The following MGAM variants were observed in gnomAD, a reference collection of about 807,000 sequenced individuals.
MGAM encodes the protein maltase-glucoamylase.
MGAM carries 253 observed loss-of-function variants against 358.8 expected under a neutral mutation model. The observed-to-expected ratio is 0.71, with a 90% CI of 0.64 to 0.78. MGAM has a LOEUF of 0.78. Among genes scored for constraint, MGAM ranks in the 30% least tolerant of loss-of-function variants. MGAM has a pLI of 0.00. For synonymous variants in MGAM, 1,105 were observed against 1,227.1 expected (o/e 0.90, Z 2.08); for missense variants, 3,080 against 3,432.6 (o/e 0.90, Z 2.57).
chr7:142,044,694 A>T (rs1213040820), intron 21 of MGAM, among the ~76,000 whole-genome samples: 22 of 86,698 alleles, frequency 2.5e-4, no homozygotes, highest in African/African-American at 5.2e-4. Context: ...ATGTATAATG[A>T]ATATTATATA....
chr7:142,026,994 A>G (rs782315143), intron 8 of MGAM, 121 bp from the exon 9 acceptor site: 12 of 684,360 alleles, frequency 1.8e-5, no homozygotes, highest in Non-Finnish European at 3.0e-5. Context: ...TCAAAATGTG[A>G]GGCACTAGGG....
chr7:142,036,588 C>T (rs1808015573), intron 17 of MGAM, among the ~76,000 whole-genome samples: 1 of 152,146 alleles, frequency 6.6e-6, no homozygotes, highest in Non-Finnish European at 1.5e-5. Flanking sequence ...GGAAATACTT[C>T]AAAATTATTT....
At chr7:142,050,348 C>T (rs1240850813) in intron 23 of MGAM, 64 bp downstream of exon 23, 4 of 1,522,934 alleles carry the variant, frequency 2.6e-6, no homozygotes, top group Admixed American at 3.3e-5. Context: ...CACATCTGTG[C>T]TTGTGTATAT....
In MGAM at chr7:142,062,708, T is replaced by C; in HGVS notation, c.4257+6T>C. On this transcript the variant is annotated splice_donor_region_variant and intron_variant, in intron 35 of 70. Transcript: ENST00000475668. ...AGTTTGATGGCATGTGGATTGTAAG[T>C]GTGTGTGTGTCTCTGTGTACCAGTG... 1 of 1,605,582 alleles carries C rather than the reference T, an allele frequency of 6.2e-7. No individual in the cohort carries two copies. Among genetic ancestry groups the C allele is most frequent in the Non-Finnish European group, 8.5e-7 (1 of 1,176,012 alleles).
rs749682016 is a variant in MGAM, at chr7:142,059,483, C to T, written c.3831C>T (p.Tyr1277=). The T allele has an allele frequency of 1.9e-5, 30 of 1,610,458 alleles. No individual in the cohort carries two copies. The African/African-American group carries it at 3.5e-4, about 19-fold the overall frequency. Residue 1277 remains tyrosine, a synonymous_variant, in exon 32 of 71, where the codon TAC becomes TAT. Transcript: ENST00000475668. ...VAAQIPYDVQ[Y]SDIDYMERQL... The stretch of plus-strand genomic sequence containing the variant: ...ATGTCCTCCCGCAGGATGTGCAGTA[C>T]TCAGACATCGACTACATGGAGCGGC...
chr7:142,053,094 T>A, intron 26 of MGAM, 110 bp downstream of exon 26: 1 of 1,190,060 alleles, frequency 8.4e-7, no homozygotes, highest in Non-Finnish European at 1.2e-6. Context: ...TACAACAGAC[T>A]ATATCATTAT....
rs1280509884 is a variant in MGAM, at chr7:142,065,979, T to G, written c.4770+148T>G. 2 of 768,234 alleles carry G rather than the reference T, an allele frequency of 2.6e-6. 1 individual carries two copies. The highest frequency in any genetic ancestry group is 4.0e-6 in the Non-Finnish European group (2 of 501,398). 47.6% of individuals were successfully genotyped at this position (768,234 alleles called of 1,614,324 possible). On this transcript the variant is annotated intron_variant, in intron 40 of 70. Coordinates refer to ENST00000475668, the MANE Select transcript of MGAM (RefSeq NM_001365693.1). ...TTTTGTTTTGTTTTGTTTTTTTTTT[T>G]GAAACAGGGATTTACTCTGTTGGCC...
intron 7 of MGAM, 124 bp from the exon 8 acceptor site, chr7:142,024,924 GTC>G: frequency 1.6e-6 from 1 of 633,842 alleles, no homozygotes; most frequent in South Asian, 2.0e-5. Flanking sequence ...TTAAAAATGT[GTC>G]TTTATGACCC....
chr7:142,036,967 C>G lies in MGAM; in HGVS notation c.2221C>G (p.Leu741Val), dbSNP rs1808050083. 1.2e-6 allele frequency: 2 copies of G among 1,612,856 alleles called. No homozygotes were observed. The highest frequency in any genetic ancestry group is 1.7e-6 in the Non-Finnish European group (2 of 1,179,416). Residue 741 changes from leucine to valine, a missense_variant, in exon 18 of 71, where the codon CTT (leucine) becomes GTT (valine). By Grantham distance (32) the Leu-to-Val change is conservative. Coordinates refer to ENST00000475668, the MANE Select transcript of MGAM (RefSeq NM_001365693.1). ...CCGAGGGGACACGGTGGCCAGGCCC[C>G]TTTTGCATGAGTAAGTTCACCTAAC... Reference protein sequence around the residue: ...HSRGDTVARPLLHEFYEDNST... With the variant: ...HSRGDTVARPVLHEFYEDNST...
intron 37 of MGAM, 33 bp from the exon 38 acceptor site, chr7:142,065,302 G>C: frequency 6.3e-7 from 1 of 1,595,746 alleles, no homozygotes; most frequent in African/African-American, 1.3e-5. Context: ...CCTGGCTGTT[G>C]CCTCAGTTCA....
chr7:141,993,043 G>T (rs185327904), upstream of MGAM, among the ~76,000 whole-genome samples: 110 of 152,318 alleles, frequency 7.2e-4, 1 homozygote, highest in African/African-American at 2.5e-3. Context: ...AGAAAAGTAA[G>T]GATAAGGAAG....
intron 9 of MGAM, 99 bp from the exon 10 acceptor site, chr7:142,027,510 TG>T: frequency 7.7e-7 from 1 of 1,306,620 alleles, no homozygotes; most frequent in South Asian, 1.4e-5. Context: ...ATCAGTGCAT[TG>T]GGAAATGGAC....
At position 142,083,340 on chromosome 7, in the gene MGAM, C is replaced by A. The variant is rs1204071114; in HGVS notation, c.6308C>A (p.Thr2103Asn). 1.9e-6 allele frequency: 3 copies of A among 1,554,394 alleles called. 1 individual carries two copies. The highest frequency in any genetic ancestry group is 4.6e-5 in the East Asian group (2 of 43,892). ...FQPLPALTYRTTGGVLDFYVF... is the reference protein window; with the variant it reads ...FQPLPALTYRNTGGVLDFYVF... Reference sequence around the variant, plus strand: ...CCCCTGCCTGCCTTGACATACCGTACCACAGGGGGAGTTCTGGACTTTTAT... The same window carrying A: ...CCCCTGCCTGCCTTGACATACCGTAACACAGGGGGAGTTCTGGACTTTTAT... The change falls in exon 53 of 71, where the codon ACC becomes AAC. Residue 2103 changes from threonine to asparagine, a missense_variant. Thr to Asn is a moderately conservative substitution (Grantham distance 65, BLOSUM62 0). This residue lies in a region of MGAM where 932 missense variants were observed against 1,198.2 expected (regional missense o/e 0.78). Coordinates refer to ENST00000475668, the MANE Select transcript of MGAM (RefSeq NM_001365693.1).
intron 10 of MGAM, among the ~76,000 whole-genome samples, chr7:142,029,527 A>G (rs1807272756): frequency 6.6e-6 from 1 of 152,182 alleles, no homozygotes; most frequent in Non-Finnish European, 1.5e-5. Flanking sequence ...GATCCAGGAA[A>G]TGAAAGAATT....
chr7:142,082,734 T>G (rs943920853), intron 52 of MGAM, among the ~76,000 whole-genome samples, 163 bp downstream of exon 52: 1 of 146,574 alleles, frequency 6.8e-6, no homozygotes, highest in African/African-American at 2.4e-5. Flanking sequence ...CATTTCAGTC[T>G]AATATCATGT....
At chr7:142,073,171 C>A (rs749056911) in intron 44 of MGAM, among the ~76,000 whole-genome samples, 1 of 145,834 alleles carries the variant, frequency 6.9e-6, no homozygotes, top group Non-Finnish European at 1.6e-5. Flanking sequence ...GTGAATGTGC[C>A]TAATTTTTCC....
rs1378926456 is a variant in MGAM at position 142,066,522 on chromosome 7, C to A, written c.4771-51C>A. 7.2e-6 allele frequency: 11 copies of A among 1,533,690 alleles called. No individual in the cohort carries two copies. The East Asian group carries it at 2.1e-4, about 29-fold the overall frequency. On this transcript the variant is annotated intron_variant, in intron 40 of 70. Transcript: ENST00000475668. The stretch of plus-strand genomic sequence containing the variant: ...TATGCTTTTAGTGACCTTCTTAAAT[C>A]CCCTAGAAATTCCAGGGCGAGCTCC...
At chr7:142,025,174 C>T (rs782449620) in intron 8 of MGAM, 25 bp downstream of exon 8, 2 of 1,526,214 alleles carry the variant, frequency 1.3e-6, no homozygotes, top group South Asian at 1.1e-5. Flanking sequence ...ATGGAAAAAA[C>T]AAGCACAAGA....
chr7:142,054,614 A>C, intron 26 of MGAM, 140 bp from the exon 27 acceptor site: 1 of 947,798 alleles, frequency 1.1e-6, no homozygotes, highest in Non-Finnish European at 1.6e-6. Context: ...GTTATCTGAT[A>C]TATTAATTAA....
Sources: allele counts gnomAD v4.1 joint callset (sites outside exome capture counted in the v4.1 genomes callset), GRCh38; gene constraint gnomAD v4.1.1; regional missense constraint gnomAD v4.1.1; transcripts MANE v1.5; gene names NCBI Gene and HGNC (gene_info 2026-07-23, HGNC 2026-07-21).